Variants in PC observed in about 807,000 individuals in gnomAD.
PC encodes the protein pyruvate carboxylase, mitochondrial.
PC carries 46 observed loss-of-function variants against 107.8 expected under a neutral mutation model. The observed-to-expected ratio is 0.43, with a 90% confidence interval of 0.34 to 0.55. PC has a LOEUF of 0.55. Among genes scored for constraint, PC ranks in the 20% least tolerant of loss-of-function variants. PC has a pLI of 0.04. For missense variants in PC, 1,241 were observed against 1,643.1 expected (o/e 0.76, Z 4.23); for synonymous variants, 662 against 684.7 (o/e 0.97, Z 0.52).
At chr11:66,957,442 C>A (rs1042703978) in intron 1 of PC, among the ~76,000 whole-genome samples, 3 of 152,180 alleles carry the variant, frequency 2.0e-5, no homozygotes, top group Admixed American at 1.3e-4. Context: ...CATGACGGAA[C>A]CTCGTCTCTA....
chr11:66,872,227 G>C, intron 3 of PC, 68 bp from the exon 4 acceptor site: 1 of 1,527,848 alleles, frequency 6.5e-7, no homozygotes, highest in South Asian at 1.2e-5. Context: ...ATGAGTGAGG[G>C]CCCTTCCCAA....
chr11:66,872,145 TC>T lies in PC; in HGVS notation c.14del (p.Arg5GlnfsTer7). On this transcript the variant is annotated frameshift_variant, in exon 4 of 23. Coordinates refer to ENST00000393960, the MANE Select transcript of PC (RefSeq NM_001040716.2). LOFTEE classifies it high-confidence loss of function. Reference protein sequence around the residue: MLKFRTVHGGLRLLG... With the variant: MLKFXTVHGGLRLLG... The stretch of plus-strand genomic sequence containing the variant: ...GGAGCCTCAGGCCCCCATGGACTGT[TC>T]GGAACTTCAGCATCTAGGGAGGGAA... The T allele has an allele frequency of 6.3e-7, 1 of 1,582,102 alleles. No individual in the cohort carries two copies. The highest frequency in any genetic ancestry group is 1.8e-5 in the Admixed American group (1 of 55,632).
chr11:66,852,597 G>A lies in PC; in HGVS notation c.1667C>T (p.Ala556Val). Residue 556 changes from alanine (A) to valine (V), a missense_variant, in exon 15 of 23, where the codon GCT (alanine) becomes GTT (valine). Coordinates refer to ENST00000393960, the MANE Select transcript of PC (RefSeq NM_001040716.2). This position sits in a 1 kb window ranked among gnomAD's most constrained non-coding sequence, Gnocchi z 4.7. ...CAGCAGCCCCGGGTGGTTCCGCACAGCTCGAGCAAAGCCCTCAGGCCCCTC... is the reference window on the plus strand; with the variant it reads ...CAGCAGCCCCGGGTGGTTCCGCACAACTCGAGCAAAGCCCTCAGGCCCCTC... ...LREGPEGFAR[A>V]VRNHPGLLLM... The A allele has an allele frequency of 6.2e-7, 1 of 1,614,020 alleles. No individual in the cohort carries two copies. Among genetic ancestry groups the A allele is most frequent in the Non-Finnish European group, 8.5e-7 (1 of 1,180,014 alleles).
intron 3 of PC, among the ~76,000 whole-genome samples, chr11:66,943,281 GA>G (rs140886046): frequency 8.7e-4 from 122 of 140,258 alleles, no homozygotes; most frequent in Middle Eastern, 3.7e-3. Flanking sequence ...GGAGTCGGAG[GA>G]AAAAAAAAAA....
At chr11:66,859,028 A>G in intron 12 of PC, 2 of 1,509,530 alleles carry the variant, frequency 1.3e-6, no homozygotes, top group Non-Finnish European at 1.8e-6. Context: ...CCGGGCGGCC[A>G]GCCGACCCAG....
chr11:66,909,970 A>G (rs1948287528), intron 3 of PC, among the ~76,000 whole-genome samples: 1 of 152,138 alleles, frequency 6.6e-6, no homozygotes, highest in African/African-American at 2.4e-5. Context: ...ACACAGCATG[A>G]TCCATGCTGT....
rs1591184900 is a variant in PC, at chr11:66,869,729, AC to A, written c.903+572del. On this transcript the variant is annotated intron_variant, in intron 9 of 22. Coordinates refer to ENST00000393960, the MANE Select transcript of PC (RefSeq NM_001040716.2). ...AAGAGGGGGCAGGACCCCGCTGCAC[AC>A]CTGGCCACAGCAGGTGCTCTCCAGG... Among the ~76,000 whole-genome samples the A allele has an allele frequency of 2.6e-5, 4 of 152,218 alleles. No homozygotes were observed. The East Asian group carries it at 7.8e-4, about 30-fold the overall frequency.
At chr11:66,860,346 C>A in intron 12 of PC, 2 of 1,176,072 alleles carry the variant, frequency 1.7e-6, no homozygotes, top group Non-Finnish European at 2.4e-6. Flanking sequence ...GCCCTTTCCT[C>A]GGTTCTGGCC....
At chr11:66,860,260 C>T (rs747961602) in intron 12 of PC, 46 of 1,534,872 alleles carry the variant, frequency 3.0e-5, no homozygotes, top group African/African-American at 2.9e-4. Context: ...CCGGGGCCGC[C>T]GCCTGGCCTG....
chr11:66,851,726 C>T lies in PC; in HGVS notation c.1982+64G>A, dbSNP rs74572173. ...TGACCGTGGAGAACAGAGGCCATCACGACATGGCTCGGTACCCTCTGGGCC... is the reference window on the plus strand; with the variant it reads ...TGACCGTGGAGAACAGAGGCCATCATGACATGGCTCGGTACCCTCTGGGCC... On this transcript the variant is annotated intron_variant, in intron 16 of 22. Transcript: ENST00000393960. 34 of 1,553,042 alleles carry T rather than the reference C, an allele frequency of 2.2e-5. 1 individual carries two copies. The highest frequency in any genetic ancestry group is 1.7e-4 in the Middle Eastern group (1 of 5,982).
In PC at chr11:66,871,226, C is replaced by G; in HGVS notation, c.488-29G>C. 6.2e-7 allele frequency: 1 copy of G among 1,613,332 alleles called. No individual in the cohort carries two copies. The highest frequency in any genetic ancestry group is 8.5e-7 in the Non-Finnish European group (1 of 1,179,496). ...TTGGGAGAAAGGTGTGGGGGAGTCT[C>G]TGTAACAGGCGGGAATCCCTGCCAC... On this transcript the variant is annotated intron_variant, in intron 6 of 22. Transcript: ENST00000393960. The surrounding 1 kb of genome is among the most constrained non-coding windows in gnomAD (Gnocchi z 7.4).
chr11:66,871,545 T>A lies in PC; in HGVS notation c.322-65A>T, dbSNP rs1302704060. 1.1e-5 allele frequency: 17 copies of A among 1,602,584 alleles called. No individual in the cohort carries two copies. The highest frequency in any genetic ancestry group is 1.5e-5 in the Non-Finnish European group (17 of 1,171,078). On this transcript the variant is annotated intron_variant, in intron 5 of 22. Transcript: ENST00000393960. This position sits in a 1 kb window ranked among gnomAD's most constrained non-coding sequence, Gnocchi z 7.4. Reference sequence around the variant, plus strand: ...CCCTTCCAAGGCCTCGGCCAGCCTCTTCCCCTGCCTAACCTGCTGAGCTGC... The same window carrying A: ...CCCTTCCAAGGCCTCGGCCAGCCTCATCCCCTGCCTAACCTGCTGAGCTGC...
Position 66,851,195 on chromosome 11 carries a change from T to G in PC, c.2068A>C (p.Met690Leu). Residue 690 changes from methionine (M) to leucine (L), a missense_variant, in exon 17 of 23, where the codon ATG becomes CTG. Around this residue, in one of 2 missense-constraint regions of PC, gnomAD observed 1,143 missense variants for 1,551.9 expected, o/e 0.74. Coordinates refer to ENST00000393960, the MANE Select transcript of PC (RefSeq NM_001040716.2). ...LNYLPNMLLG[M>L]EAAGSAGGVV... ...CCTCCGGCACTTCCTGCCGCCTCCA[T>G]GCCCAGCAGCATGTTGGGCAAGTAG... The G allele has an allele frequency of 6.2e-7, 1 of 1,610,398 alleles. No individual in the cohort carries two copies. The highest frequency in any genetic ancestry group is 8.5e-7 in the Non-Finnish European group (1 of 1,179,992).
At chr11:66,904,147 G>T (rs1948076513) in intron 3 of PC, among the ~76,000 whole-genome samples, 1 of 152,032 alleles carries the variant, frequency 6.6e-6, no homozygotes, top group African/African-American at 2.4e-5. Context: ...CAGAGCATGG[G>T]GCTTTCTGGC....
intron 3 of PC, among the ~76,000 whole-genome samples, chr11:66,950,527 C>G (rs2136153236): frequency 6.6e-6 from 1 of 152,282 alleles, no homozygotes; most frequent in South Asian, 2.1e-4. Context: ...CATGTCCCCC[C>G]AGGAGAAAGC....
In PC at chr11:66,857,439, G is replaced by A. The variant is rs1312782367; in HGVS notation, c.1369-4056C>T. 5.9e-6 allele frequency: 2 copies of A among 338,516 alleles called. No individual in the cohort carries two copies. The highest frequency in any genetic ancestry group is 1.1e-5 in the Non-Finnish European group (2 of 187,300). The allele number at this position is 338,516 out of a possible 1,614,324, so 21.0% of individuals were successfully genotyped here. On this transcript the variant is annotated intron_variant, in intron 12 of 22. Transcript: ENST00000393960. This position sits in a 1 kb window ranked among gnomAD's most constrained non-coding sequence, Gnocchi z 7.1. ...GCTGGCGATTCCTGGGGACGCCTGGGAAAGGAAGTTCCGGGACCCTCCCTG... is the reference window on the plus strand; with the variant it reads ...GCTGGCGATTCCTGGGGACGCCTGGAAAAGGAAGTTCCGGGACCCTCCCTG...
chr11:66,886,208 G>A (rs576830313), intron 3 of PC, among the ~76,000 whole-genome samples: 1 of 151,708 alleles, frequency 6.6e-6, no homozygotes, highest in African/African-American at 2.4e-5. Context: ...GGGAGGGAGG[G>A]GGGCAGGCAG....
chr11:66,937,032 G>A (rs981999780), intron 3 of PC, among the ~76,000 whole-genome samples: 2 of 152,010 alleles, frequency 1.3e-5, no homozygotes, highest in East Asian at 3.9e-4. Flanking sequence ...TGGTAGAGAT[G>A]GGGGTTTCGC....
intron 3 of PC, among the ~76,000 whole-genome samples, chr11:66,923,901 A>G (rs1465220820): frequency 7.7e-5 from 11 of 142,882 alleles, no homozygotes; most frequent in South Asian, 2.2e-4. Flanking sequence ...AAAAAAAAAA[A>G]AGAGAAAAAG....
Sources: allele counts gnomAD v4.1 joint callset (sites outside exome capture counted in the v4.1 genomes callset), GRCh38; gene constraint gnomAD v4.1.1; regional missense constraint gnomAD v4.1.1; non-coding constraint Gnocchi (gnomAD v3.1); transcripts MANE v1.5; gene names NCBI Gene and HGNC (gene_info 2026-07-23, HGNC 2026-07-21).